The following GABBR2 variants were observed in gnomAD, a reference collection of about 807,000 sequenced individuals.
The protein encoded by GABBR2 is G-protein coupled receptor 51.
Under a neutral mutation model 105.6 loss-of-function variants are expected in GABBR2, and 23 were observed. The ratio of observed to expected loss-of-function variants is 0.22; its 90% CI spans 0.16 to 0.31. The LOEUF (loss-of-function observed/expected upper bound fraction) is 0.31. Ranked by LOEUF, GABBR2 falls within the 10% of genes least tolerant of loss-of-function variation. The pLI is 1.00. For missense variants in GABBR2, 734 were observed against 1,245.5 expected (o/e 0.59, Z 6.18); for synonymous variants, 478 against 499.7 (o/e 0.96, Z 0.58).
chr9:98,427,207 G>C (rs764986990), intron 7 of GABBR2, among the ~76,000 whole-genome samples: 6 of 152,162 alleles, frequency 3.9e-5, no homozygotes, highest in Non-Finnish European at 7.4e-5. Context: ...TGTAGGGCTG[G>C]AGTGAGGTCA....
chr9:98,577,228 A>ATGGTTAGGCGAATGGATGGG (rs769775744), intron 2 of GABBR2, among the ~76,000 whole-genome samples: 1 of 151,128 alleles, frequency 6.6e-6, no homozygotes, highest in Non-Finnish European at 1.5e-5. Flanking sequence ...GGATGGATGG[A>ATGGTTAGGCGAATGGATGGG]GCAAAAAAGT....
Position 98,303,433 on chromosome 9 carries a change from C to T in GABBR2, c.2230-10G>A, listed in dbSNP as rs1201765253. The T allele has an allele frequency of 1.2e-6, 2 of 1,612,980 alleles. No homozygotes were observed. Among genetic ancestry groups the T allele is most frequent in the Non-Finnish European group, 1.7e-6 (2 of 1,179,368 alleles). On this transcript the variant is annotated splice_polypyrimidine_tract_variant and intron_variant, in intron 15 of 18. Transcript: ENST00000259455. ...TTCTCAGGGTGATGAGCTGAAAGGACAAAGGTTGGGGCGGGGTTGAAGAGA... is the reference window on the plus strand; with the variant it reads ...TTCTCAGGGTGATGAGCTGAAAGGATAAAGGTTGGGGCGGGGTTGAAGAGA...
chr9:98,584,475 A>G (rs1186021), intron 1 of GABBR2, among the ~76,000 whole-genome samples: 17,904 of 152,090 alleles, frequency 0.12, 1,377 homozygotes, highest in Admixed American at 0.21. Context: ...CTCCTTCCCT[A>G]TAAGGACTTG....
chr9:98,351,841 G>A (rs547187475), intron 13 of GABBR2, among the ~76,000 whole-genome samples: 16 of 152,264 alleles, frequency 1.1e-4, no homozygotes, highest in African/African-American at 3.6e-4. Flanking sequence ...TTTGGAATAT[G>A]TTATTGGAGA....
chr9:98,604,051 C>T (rs913479014), intron 1 of GABBR2, among the ~76,000 whole-genome samples: 21 of 152,232 alleles, frequency 1.4e-4, no homozygotes, highest in African/African-American at 4.8e-4. Flanking sequence ...TGGAGACCCG[C>T]CCGGGCACAG....
chr9:98,476,022 C>T (rs573710464), intron 5 of GABBR2, among the ~76,000 whole-genome samples: 2 of 152,190 alleles, frequency 1.3e-5, no homozygotes, highest in Admixed American at 1.3e-4. Context: ...TGAGATCACA[C>T]CCCCGTACTC....
chr9:98,669,531 C>T (rs558681701), intron 1 of GABBR2, among the ~76,000 whole-genome samples: 30 of 152,254 alleles, frequency 2.0e-4, no homozygotes, highest in Middle Eastern at 3.4e-3. Flanking sequence ...TATTCAGGCA[C>T]GCTTCTAGAG....
intron 7 of GABBR2, among the ~76,000 whole-genome samples, chr9:98,441,526 A>C (rs1826030954): frequency 6.6e-6 from 1 of 152,062 alleles, no homozygotes; most frequent in Non-Finnish European, 1.5e-5. Context: ...TGCCATCACA[A>C]CCAGCTAATT....
At chr9:98,541,190 A>G (rs897354020) in intron 3 of GABBR2, among the ~76,000 whole-genome samples, 1 of 152,226 alleles carries the variant, frequency 6.6e-6, no homozygotes, top group Non-Finnish European at 1.5e-5. Context: ...AAGTGAAAAA[A>G]GAAACATACA....
At chr9:98,335,506 T>C (rs1014322697) in intron 13 of GABBR2, among the ~76,000 whole-genome samples, 3 of 152,164 alleles carry the variant, frequency 2.0e-5, no homozygotes, top group African/African-American at 4.8e-5. Context: ...CCAGAACCCA[T>C]GGCAACTTTA....
At chr9:98,506,427 C>G (rs1327368306) in intron 3 of GABBR2, among the ~76,000 whole-genome samples, 1 of 152,104 alleles carries the variant, frequency 6.6e-6, no homozygotes, top group African/African-American at 2.4e-5. Context: ...CCATGGCCAC[C>G]CACTCTTAGA....
intron 1 of GABBR2, among the ~76,000 whole-genome samples, chr9:98,586,820 T>C (rs1286549900): frequency 6.6e-6 from 1 of 152,256 alleles, no homozygotes; most frequent in Non-Finnish European, 1.5e-5. Flanking sequence ...TGTGTGAATA[T>C]GCCACCGTTT....
At chr9:98,339,676 T>G (rs1462707481) in intron 13 of GABBR2, among the ~76,000 whole-genome samples, 1 of 152,226 alleles carries the variant, frequency 6.6e-6, no homozygotes, top group Non-Finnish European at 1.5e-5. Flanking sequence ...TTCTCTAAGG[T>G]GTGTTTCCTC....
intron 2 of GABBR2, among the ~76,000 whole-genome samples, chr9:98,563,531 C>T (rs1311875543): frequency 6.6e-6 from 1 of 152,170 alleles, no homozygotes; most frequent in South Asian, 2.1e-4. Flanking sequence ...TGCCAAAGGT[C>T]CCTGTGCCCA....
At chr9:98,542,763 TTCTG>T (rs1273190084) in intron 2 of GABBR2, among the ~76,000 whole-genome samples, 2 of 152,192 alleles carry the variant, frequency 1.3e-5, no homozygotes, top group African/African-American at 2.4e-5. Flanking sequence ...AAAAATGTTA[TTCTG>T]TCTAATTTTA....
chr9:98,461,097 G>A (rs1826417733), intron 6 of GABBR2, among the ~76,000 whole-genome samples: 1 of 152,116 alleles, frequency 6.6e-6, no homozygotes, highest in South Asian at 2.1e-4. Context: ...CAGACACTTG[G>A]AAGATTTGCT....
intron 1 of GABBR2, among the ~76,000 whole-genome samples, chr9:98,611,824 T>C (rs1282030751): frequency 6.6e-6 from 1 of 152,234 alleles, no homozygotes; most frequent in South Asian, 2.1e-4. Context: ...ATGGCAGCCT[T>C]GTTCAGCACT....
intron 9 of GABBR2, among the ~76,000 whole-genome samples, chr9:98,393,014 C>T (rs1291386811): frequency 8.1e-6 from 1 of 124,156 alleles, no homozygotes; most frequent in Admixed American, 1.0e-4. Flanking sequence ...ATTCACACAC[C>T]CATCCATGCA....
intron 1 of GABBR2, among the ~76,000 whole-genome samples, chr9:98,631,005 G>A (rs774602811): frequency 4.6e-5 from 7 of 152,128 alleles, no homozygotes; most frequent in Non-Finnish European, 8.8e-5. Context: ...GATAGAGAAC[G>A]GTGCCATTAT....
Sources: allele counts gnomAD v4.1 joint callset (sites outside exome capture counted in the v4.1 genomes callset), GRCh38; gene constraint gnomAD v4.1.1; transcripts MANE v1.5; gene names NCBI Gene and HGNC (gene_info 2026-07-23, HGNC 2026-07-21).